The following SLC12A4 variants were observed in gnomAD, a reference collection of about 807,000 sequenced individuals.
SLC12A4 encodes the protein electroneutral potassium-chloride cotransporter 1.
Under a neutral mutation model 119.2 loss-of-function variants are expected in SLC12A4, and 84 were observed. The ratio of observed to expected loss-of-function variants is 0.70; its 90% CI spans 0.59 to 0.85. The LOEUF (loss-of-function observed/expected upper bound fraction) is 0.85, where lower values mean the gene tolerates loss of function less well. Among genes scored for constraint, SLC12A4 ranks in the 40% least tolerant of loss-of-function variants. The pLI, the probability that SLC12A4 is intolerant of heterozygous loss-of-function variation, is 0.00. For missense variants in SLC12A4, 1,298 were observed against 1,476.3 expected, an observed-to-expected ratio of 0.88 and a Z score of 1.98; for synonymous variants, 599 against 604.6, an observed-to-expected ratio of 0.99 and a Z score of 0.14.
Position 67,948,069 on chromosome 16 carries a change from G to A in SLC12A4, c.1839C>T (p.Tyr613=), listed in dbSNP as rs1484767210. Residue 613 remains tyrosine, a synonymous_variant, in exon 14 of 24, where the codon TAC becomes TAT. Transcript: ENST00000316341. ...TCAGAGGCATGGCTCACCAGTGATA[G>A]TACTTGAACCGGGGCCGCCAGTTGG... ...RTPNWRPRFK[Y]YHWALSFLGM... 4 of 1,613,066 alleles carry A rather than the reference G, an allele frequency of 2.5e-6. No individual in the cohort carries two copies. Among genetic ancestry groups the A allele is most frequent in the Admixed American group, 1.7e-5 (1 of 60,028 alleles).
intron 6 of SLC12A4, among the ~76,000 whole-genome samples, chr16:67,953,454 T>C (rs2030059554): frequency 6.6e-6 from 1 of 152,150 alleles, no homozygotes; most frequent in Non-Finnish European, 1.5e-5. Flanking sequence ...AAAGGTCACA[T>C]ATTATATGAT....
intron 5 of SLC12A4, among the ~76,000 whole-genome samples, chr16:67,955,109 C>T (rs2030177862): frequency 6.6e-6 from 1 of 152,228 alleles, no homozygotes; most frequent in African/African-American, 2.4e-5. Flanking sequence ...TGTGTCCTAT[C>T]TCAGCCCACC....
Position 67,950,377 on chromosome 16 carries a change from G to A in SLC12A4, c.1571C>T (p.Thr524Ile), listed in dbSNP as rs1026114307. The change falls in exon 12 of 24, where the codon ACA (threonine) becomes ATA (isoleucine). Residue 524 changes from threonine (T) to isoleucine (I), a missense_variant. Physicochemically the swap from Thr to Ile is moderately conservative, Grantham distance 89. Transcript: ENST00000316341. This position sits in a 1 kb window ranked among gnomAD's most constrained non-coding sequence, Gnocchi z 4.3. ...STCGAGLQSLTGAPRLLQAIA... is the reference protein window; with the variant it reads ...STCGAGLQSLIGAPRLLQAIA... ...GGCCTGCAATAGGCGTGGTGCCCCT[G>A]TGAGGCTCTGGAGGCCAGCGCCACA... 2 of 1,613,930 alleles carry A rather than the reference G, an allele frequency of 1.2e-6. No homozygotes were observed. Among genetic ancestry groups the A allele is most frequent in the African/African-American group, 2.7e-5 (2 of 74,940 alleles).
Position 67,968,575 on chromosome 16 carries a change from C to T in SLC12A4, c.-22G>A, listed in dbSNP as rs774214088. ...GCATCGTGCGGGCTCGGCCCCGCCGCACCCGCCGTCCCAGCCGCCCGCCGC... is the reference window on the plus strand; with the variant it reads ...GCATCGTGCGGGCTCGGCCCCGCCGTACCCGCCGTCCCAGCCGCCCGCCGC... On this transcript the variant is annotated 5_prime_UTR_variant, in exon 1 of 24. Transcript: ENST00000316341. 6.7e-7 allele frequency: 1 copy of T among 1,502,762 alleles called. No individual in the cohort carries two copies. Among genetic ancestry groups the T allele is most frequent in the African/African-American group, 1.4e-5 (1 of 69,166 alleles). 93.1% of individuals were successfully genotyped at this position (1,502,762 alleles called of 1,614,324 possible).
At chr16:67,958,771 T>G (rs1046258158) in intron 3 of SLC12A4, among the ~76,000 whole-genome samples, 2 of 152,100 alleles carry the variant, frequency 1.3e-5, no homozygotes, top group African/African-American at 2.4e-5. Flanking sequence ...CCTGAGAATG[T>G]GCTGGACTCT....
intron 2 of SLC12A4, 175 bp downstream of exon 2, chr16:67,963,290 A>C (rs2030680605): frequency 7.3e-6 from 3 of 410,322 alleles, no homozygotes; most frequent in Non-Finnish European, 1.3e-5. Flanking sequence ...GGCCTCTGGA[A>C]AGGCAGTTTC....
At chr16:67,963,834 A>AGAGGGACGGGGC in intron 1 of SLC12A4, 1 of 1,470,628 alleles carries the variant, frequency 6.8e-7, no homozygotes, top group African/African-American at 1.6e-5. Flanking sequence ...ACGTATGGAC[A>AGAGGGACGGGGC]CTGAGGGACG....
In SLC12A4 at chr16:67,944,044, G is replaced by A; in HGVS notation, c.*796C>T. 6.5e-7 allele frequency: 1 copy of A among 1,547,702 alleles called. No individual in the cohort carries two copies. The highest frequency in any genetic ancestry group is 8.7e-7 in the Non-Finnish European group (1 of 1,145,884). ...AGGAGCCAGAAGGGGGCGGCAGGAG[G>A]GAGCAGCAGCCCCAGCAGCAGCGTC... On this transcript the variant is annotated 3_prime_UTR_variant, in exon 24 of 24. Coordinates refer to ENST00000316341, the MANE Select transcript of SLC12A4 (RefSeq NM_005072.5). This position sits in a 1 kb window ranked among gnomAD's most constrained non-coding sequence, Gnocchi z 6.6.
At position 67,968,598 on chromosome 16, in the gene SLC12A4, C is replaced by T. The variant is rs1451740075; in HGVS notation, c.-45G>A. ...CGCACCCGCCGTCCCAGCCGCCCGC[C>T]GCTGTCCCCGCCGCTGTCCCCGCCG... On this transcript the variant is annotated 5_prime_UTR_variant, in exon 1 of 24. Coordinates refer to ENST00000316341, the MANE Select transcript of SLC12A4 (RefSeq NM_005072.5). 12 of 1,386,670 alleles carry T rather than the reference C, an allele frequency of 8.7e-6. No individual in the cohort carries two copies. In the African/African-American group the frequency reaches 1.1e-4, roughly 13 times the overall value. 85.9% of individuals were successfully genotyped at this position (1,386,670 alleles called of 1,614,324 possible).
At chr16:67,964,828 AC>A (rs1172040007) in intron 1 of SLC12A4, among the ~76,000 whole-genome samples, 1 of 152,212 alleles carries the variant, frequency 6.6e-6, no homozygotes, top group Non-Finnish European at 1.5e-5. Flanking sequence ...TGTATCTGAT[AC>A]ATCTCTTGCT....
Position 67,951,756 on chromosome 16 carries a change from G to C in SLC12A4, c.1132+67C>G, listed in dbSNP as rs1336162148. 6.5e-6 allele frequency: 9 copies of C among 1,387,936 alleles called. No individual in the cohort carries two copies. The highest frequency in any genetic ancestry group is 2.0e-5 in the Admixed American group (1 of 50,376). 86.0% of individuals were successfully genotyped at this position (1,387,936 alleles called of 1,614,324 possible). A position where few individuals can be genotyped will look rare whatever the true frequency, so the allele number is the denominator to read the frequency against. On this transcript the variant is annotated intron_variant, in intron 8 of 23. Transcript: ENST00000316341. This position sits in a 1 kb window ranked among gnomAD's most constrained non-coding sequence, Gnocchi z 5.2. ...TTCCCAAGCTGGCCACACAAGGACA[G>C]CTCTGTGCTCTGTGCCCCTGCTCAG...
intron 5 of SLC12A4, among the ~76,000 whole-genome samples, chr16:67,954,976 C>G (rs1020526132): frequency 6.6e-6 from 1 of 152,212 alleles, no homozygotes; most frequent in Admixed American, 6.5e-5. Flanking sequence ...CCATCTGACT[C>G]GAATGTCCAG....
rs942728145 is a variant in SLC12A4 at position 67,945,216 on chromosome 16, G to T, written c.3037C>A (p.Gln1013Lys). Residue 1013 changes from glutamine (Q) to lysine (K), a missense_variant, in exon 23 of 24, where the codon CAA becomes AAA. Physicochemically the swap from Gln to Lys is moderately conservative, Grantham distance 53. Transcript: ENST00000316341. ...FRELVHIKPD[Q>K]SNVRRMHTAV... is the part of the protein sequence containing the mutation. ...GTGTGCATGCGCCGCACATTGGATT[G>T]GTCCCTACACGTAGTGTAGCCAGTC... is the stretch of plus-strand genomic sequence containing the variant. The T allele has an allele frequency of 3.2e-6, 5 of 1,557,792 alleles. No individual in the cohort carries two copies. In the South Asian group the frequency reaches 4.9e-5, roughly 15 times the overall value.
Position 67,952,001 on chromosome 16 carries a change from G to A in SLC12A4, c.954C>T (p.Asp318=). The A allele has an allele frequency of 6.2e-7, 1 of 1,614,074 alleles. No homozygotes were observed. The highest frequency in any genetic ancestry group is 8.5e-7 in the Non-Finnish European group (1 of 1,180,032). Residue 318 remains aspartate, a synonymous_variant, in exon 8 of 24, where the codon GAC becomes GAT. Coordinates refer to ENST00000316341, the MANE Select transcript of SLC12A4 (RefSeq NM_005072.5). ...CTGTCTTGGCACAGATGTCAAACTG[G>A]TCCCGGGACAGGGTCCTGTTGCCCA... ...CMLGNRTLSR[D]QFDICAKTAV...
intron 2 of SLC12A4, among the ~76,000 whole-genome samples, chr16:67,961,930 C>G (rs1330669176): frequency 6.6e-6 from 1 of 152,238 alleles, no homozygotes; most frequent in Admixed American, 6.5e-5. Flanking sequence ...TCTCTCTACC[C>G]CGCCTTGGCT....
chr16:67,945,898 C>T lies in SLC12A4; in HGVS notation c.2740-27G>A, dbSNP rs779028305. On this transcript the variant is annotated intron_variant, in intron 20 of 23. Transcript: ENST00000316341. ...TGGGGACAGGGTTGGCCGTGAGGACCCAGCTGCACGGGACATGGTATCCAC... is the reference window on the plus strand; with the variant it reads ...TGGGGACAGGGTTGGCCGTGAGGACTCAGCTGCACGGGACATGGTATCCAC... The T allele has an allele frequency of 1.9e-6, 3 of 1,613,316 alleles. No homozygotes were observed. The East Asian group carries it at 6.7e-5, about 36-fold the overall frequency.
intron 3 of SLC12A4, among the ~76,000 whole-genome samples, chr16:67,958,703 C>T (rs1266927548): frequency 6.6e-6 from 1 of 152,080 alleles, no homozygotes; most frequent in Non-Finnish European, 1.5e-5. Context: ...AGATGTGTCC[C>T]ATCACCTCTC....
At position 67,945,670 on chromosome 16, in the gene SLC12A4, G is replaced by A. The variant is rs539116470; in HGVS notation, c.2847+94C>T. On this transcript the variant is annotated intron_variant, in intron 21 of 23. Transcript: ENST00000316341. ...TGAGCACTAGCTTGGGTAGGGCTGC[G>A]GTGAGTCATTCTGATTCCTCCGCAC... is the stretch of plus-strand genomic sequence containing the variant. The A allele has an allele frequency of 1.3e-3, 1,939 of 1,493,988 alleles. 1 individual carries two copies. The highest frequency in any genetic ancestry group is 1.6e-3 in the Non-Finnish European group (1,780 of 1,094,158). The allele number at this position is 1,493,988 out of a possible 1,614,324, so 92.5% of individuals were successfully genotyped here.
In SLC12A4 at chr16:67,966,857, T is replaced by G. The variant is rs2030891425; in HGVS notation, c.115+1582A>C. On this transcript the variant is annotated intron_variant, in intron 1 of 23. Coordinates refer to ENST00000316341, the MANE Select transcript of SLC12A4 (RefSeq NM_005072.5). Reference sequence around the variant, plus strand: ...AGGCAGTGGGAGGAGCTGGCCTAGCTTGCGGGGATCTAGCAGGACTCAGCC... The same window carrying G: ...AGGCAGTGGGAGGAGCTGGCCTAGCGTGCGGGGATCTAGCAGGACTCAGCC... 4.5e-6 allele frequency: 7 copies of G among 1,539,884 alleles called. No individual in the cohort carries two copies. The East Asian group carries it at 1.7e-4, about 38-fold the overall frequency.
Sources: allele counts gnomAD v4.1 joint callset (sites outside exome capture counted in the v4.1 genomes callset), GRCh38; gene constraint gnomAD v4.1.1; non-coding constraint Gnocchi (gnomAD v3.1); transcripts MANE v1.5; gene names NCBI Gene and HGNC (gene_info 2026-07-23, HGNC 2026-07-21).